CNTN5: variants seen among roughly 807,000 people sequenced by gnomAD.
CNTN5 encodes contactin 5.
A neutral mutation model predicts 129.1 loss-of-function variants in CNTN5; 77 were observed. The observed-to-expected ratio is 0.60, with a 90% confidence interval of 0.50 to 0.72. CNTN5 has a LOEUF of 0.72. Ranked by LOEUF, CNTN5 falls within the 30% of genes least tolerant of loss-of-function variation. The probability of loss-of-function intolerance (pLI) is 0.00; values close to 1 mark genes in which losing one functional copy is unlikely to be tolerated. For synonymous variants in CNTN5, 509 were observed against 465.6 expected, an observed-to-expected ratio of 1.09 and a Z score of -1.20; for missense variants, 1,478 against 1,328.8, an observed-to-expected ratio of 1.11 and a Z score of -1.75.
intron 6 of CNTN5, among the ~76,000 whole-genome samples, chr11:99,852,638 G>A (rs2135730250): frequency 6.6e-6 from 1 of 152,234 alleles, no homozygotes; most frequent in Non-Finnish European, 1.5e-5. Flanking sequence ...TGAAAATCAT[G>A]AATAACTCTG....
intron 3 of CNTN5, among the ~76,000 whole-genome samples, chr11:99,722,988 C>A (rs1158379022): frequency 6.6e-6 from 1 of 152,074 alleles, no homozygotes; most frequent in African/African-American, 2.4e-5. Context: ...AAACCAGTTT[C>A]CAACAACACT....
intron 20 of CNTN5, among the ~76,000 whole-genome samples, chr11:100,300,779 T>C (rs1271778962): frequency 1.3e-5 from 2 of 151,560 alleles, no homozygotes; most frequent in Admixed American, 1.3e-4. Context: ...ACTAGAGGTA[T>C]TCTGATGAGA....
chr11:100,049,099 T>C (rs970100637), intron 9 of CNTN5, among the ~76,000 whole-genome samples: 6 of 152,146 alleles, frequency 3.9e-5, no homozygotes, highest in African/African-American at 1.4e-4. Context: ...AATGTAATAC[T>C]GTTTTAAAAC....
At chr11:99,540,661 G>T (rs1016668257) in intron 2 of CNTN5, among the ~76,000 whole-genome samples, 1 of 152,134 alleles carries the variant, frequency 6.6e-6, no homozygotes, top group African/African-American at 2.4e-5. Flanking sequence ...TCATGGGAAG[G>T]AGCATGAATG....
At chr11:99,481,915 T>C (rs1945616973) in intron 2 of CNTN5, among the ~76,000 whole-genome samples, 1 of 152,214 alleles carries the variant, frequency 6.6e-6, no homozygotes, top group South Asian at 2.1e-4. Flanking sequence ...GAAGAGATGA[T>C]ATTTTCTTAA....
At chr11:99,680,991 T>C (rs755404076) in intron 3 of CNTN5, among the ~76,000 whole-genome samples, 3 of 151,912 alleles carry the variant, frequency 2.0e-5, no homozygotes, top group African/African-American at 4.8e-5. Flanking sequence ...TTTCAATCAT[T>C]ATGAGTGACT....
At chr11:99,093,195 T>A (rs2135324303) in intron 1 of CNTN5, among the ~76,000 whole-genome samples, 1 of 152,186 alleles carries the variant, frequency 6.6e-6, no homozygotes, top group Admixed American at 6.5e-5. Context: ...AAGTTACACA[T>A]ACAGGAGTGA....
At chr11:99,645,796 CG>C (rs1951938869) in intron 3 of CNTN5, among the ~76,000 whole-genome samples, 1 of 150,330 alleles carries the variant, frequency 6.7e-6, no homozygotes, top group African/African-American at 2.4e-5. Context: ...TTGGGCCTGT[CG>C]GGGTGGGGGG....
At chr11:99,874,793 A>G (rs1948591711) in intron 6 of CNTN5, among the ~76,000 whole-genome samples, 1 of 152,194 alleles carries the variant, frequency 6.6e-6, no homozygotes, top group African/African-American at 2.4e-5. Context: ...ATTTAAATAC[A>G]TTGATAGATT....
intron 1 of CNTN5, among the ~76,000 whole-genome samples, chr11:99,209,796 G>C (rs894027800): frequency 2.0e-5 from 3 of 152,072 alleles, no homozygotes; most frequent in Non-Finnish European, 4.4e-5. Flanking sequence ...CCAATGAACA[G>C]ACACTAAATT....
intron 3 of CNTN5, among the ~76,000 whole-genome samples, chr11:99,632,617 A>G (rs554292918): frequency 1.3e-5 from 2 of 152,274 alleles, no homozygotes; most frequent in Admixed American, 1.3e-4. Flanking sequence ...ACTTCACAAA[A>G]TTGAAAGTAG....
intron 16 of CNTN5, among the ~76,000 whole-genome samples, chr11:100,227,204 G>GA (rs1490769697): frequency 1.3e-5 from 2 of 152,202 alleles, no homozygotes; most frequent in South Asian, 2.1e-4. Flanking sequence ...AAATTTAAGG[G>GA]AAAAAATCTA....
chr11:99,023,171 C>T (rs1473388292), intron 1 of CNTN5, among the ~76,000 whole-genome samples: 1 of 152,154 alleles, frequency 6.6e-6, no homozygotes, highest in African/African-American at 2.4e-5. Context: ...AATTCTTAGT[C>T]AGGGAGCCAA....
intron 1 of CNTN5, among the ~76,000 whole-genome samples, chr11:99,214,022 A>C (rs1188297363): frequency 1.3e-5 from 2 of 152,170 alleles, no homozygotes. Flanking sequence ...GCGAGAATAA[A>C]AAAATGCAGT....
intron 1 of CNTN5, among the ~76,000 whole-genome samples, chr11:99,061,939 C>G (rs1212989432): frequency 6.6e-6 from 1 of 151,470 alleles, no homozygotes. Context: ...TTACAGTGAG[C>G]TACGGTTGCA....
intron 3 of CNTN5, among the ~76,000 whole-genome samples, chr11:99,589,028 G>A (rs1949895164): frequency 6.6e-6 from 1 of 152,160 alleles, no homozygotes; most frequent in South Asian, 2.1e-4. Flanking sequence ...ATCTTGATAG[G>A]TAGTGTGCTG....
At chr11:99,598,979 G>A (rs899391888) in intron 3 of CNTN5, among the ~76,000 whole-genome samples, 2 of 152,028 alleles carry the variant, frequency 1.3e-5, no homozygotes, top group African/African-American at 4.8e-5. Flanking sequence ...TTTTATTAAT[G>A]AGATAAGATT....
chr11:99,750,651 A>C (rs1176871725), intron 3 of CNTN5, among the ~76,000 whole-genome samples: 1 of 152,186 alleles, frequency 6.6e-6, no homozygotes, highest in East Asian at 1.9e-4. Context: ...GAATCTAACT[A>C]AATATACTGT....
intron 16 of CNTN5, among the ~76,000 whole-genome samples, chr11:100,244,801 A>G (rs1311694232): frequency 6.6e-6 from 1 of 152,076 alleles, no homozygotes; most frequent in Non-Finnish European, 1.5e-5. Context: ...TATTTTGTTT[A>G]CCTATCTGGC....
Sources: gnomAD v4.1 joint callset for allele counts (sites outside exome capture counted in the v4.1 genomes callset) on GRCh38, gnomAD v4.1.1 for gene constraint, MANE v1.5 for transcripts, NCBI Gene and HGNC (gene_info 2026-07-23, HGNC 2026-07-21) for gene names.